TADA2A: variants seen among roughly 807,000 people sequenced by gnomAD.
The protein encoded by TADA2A is transcriptional adaptor 2A, also known as transcriptional adapter 2-alpha.
In TADA2A, 38 loss-of-function variants were observed where a neutral mutation model predicts 67.4. That is an observed-to-expected ratio of 0.56 (90% CI 0.44 to 0.74). The LOEUF (loss-of-function observed/expected upper bound fraction) is 0.74, where lower values mean the gene tolerates loss of function less well. Ranked by LOEUF, TADA2A falls within the 30% of genes least tolerant of loss-of-function variation. The pLI, the probability that TADA2A is intolerant of heterozygous loss-of-function variation, is 0.00. For missense variants in TADA2A, 454 were observed against 547.0 expected (o/e 0.83, Z 1.70); for synonymous variants, 192 against 181.6 (o/e 1.06, Z -0.46).
chr17:37,420,390 G>A (rs924828547), intron 2 of TADA2A, among the ~76,000 whole-genome samples: 2 of 142,442 alleles, frequency 1.4e-5, no homozygotes, highest in East Asian at 2.2e-4. Context: ...ATTTTCTTCT[G>A]TGTCTTTTTT....
chr17:37,410,044 G>T (rs2051812845), intron 1 of TADA2A, among the ~76,000 whole-genome samples: 1 of 152,044 alleles, frequency 6.6e-6, no homozygotes, highest in South Asian at 2.1e-4. Flanking sequence ...GGTGGCACAT[G>T]CTTGTAATCC....
chr17:37,476,141 T>C (rs1375932525), intron 15 of TADA2A, among the ~76,000 whole-genome samples: 3 of 152,154 alleles, frequency 2.0e-5, no homozygotes, highest in African/African-American at 4.8e-5. Flanking sequence ...AAGGAGGTCA[T>C]AGGTCAGCCT....
At chr17:37,421,117 A>T (rs1188918555) in intron 2 of TADA2A, among the ~76,000 whole-genome samples, 1 of 147,012 alleles carries the variant, frequency 6.8e-6, no homozygotes, top group African/African-American at 2.5e-5. Context: ...ACTCAGAGCC[A>T]GGTGTGGTGG....
chr17:37,418,625 G>T (rs2052128462), intron 2 of TADA2A, among the ~76,000 whole-genome samples: 2 of 150,602 alleles, frequency 1.3e-5, no homozygotes, highest in Admixed American at 1.3e-4. Context: ...GAGTTTCGCT[G>T]TTGTCACCCA....
At chr17:37,459,297 T>A (rs1320528171) in intron 9 of TADA2A, among the ~76,000 whole-genome samples, 1 of 151,944 alleles carries the variant, frequency 6.6e-6, no homozygotes, top group Non-Finnish European at 1.5e-5. Flanking sequence ...GTCTTTTTTT[T>A]TTTGAGATGG....
intron 15 of TADA2A, among the ~76,000 whole-genome samples, chr17:37,476,112 T>C (rs1165348388): frequency 6.6e-6 from 1 of 152,206 alleles, no homozygotes; most frequent in Admixed American, 6.5e-5. Flanking sequence ...GAAATGTATG[T>C]AGTATCTATG....
chr17:37,415,874 C>CAAAAAAAAAAAAAAAAAAAAA (rs35954525), intron 2 of TADA2A, among the ~76,000 whole-genome samples: 1 of 105,868 alleles, frequency 9.4e-6, no homozygotes, highest in African/African-American at 3.5e-5. Flanking sequence ...AACTCCTTCT[C>CAAAAAAAAAAAAAAAAAAAAA]AAAAAAAAAA....
intron 5 of TADA2A, among the ~76,000 whole-genome samples, chr17:37,439,251 G>A (rs780866620): frequency 3.3e-5 from 5 of 151,914 alleles, no homozygotes; most frequent in Non-Finnish European, 7.4e-5. Context: ...ACAGGTGTGC[G>A]CCACCATACT....
At chr17:37,428,366 G>A (rs1252805765) in intron 4 of TADA2A, among the ~76,000 whole-genome samples, 6 of 152,186 alleles carry the variant, frequency 3.9e-5, no homozygotes, top group Non-Finnish European at 8.8e-5. Flanking sequence ...AGAATTCACT[G>A]CCTTAAGGTT....
intron 8 of TADA2A, among the ~76,000 whole-genome samples, chr17:37,456,648 G>C (rs1432486587): frequency 6.6e-6 from 1 of 152,200 alleles, no homozygotes; most frequent in Non-Finnish European, 1.5e-5. Flanking sequence ...GATAGGAAAG[G>C]GGTAGAATAT....
chr17:37,462,152 A>T (rs762966755), intron 10 of TADA2A, 31 bp downstream of exon 10: 1 of 1,409,110 alleles, frequency 7.1e-7, no homozygotes, highest in South Asian at 1.3e-5. Context: ...TTATTTTACA[A>T]TTTTTTTCCA....
chr17:37,429,474 G>A (rs1198073691), intron 4 of TADA2A, among the ~76,000 whole-genome samples: 1 of 151,792 alleles, frequency 6.6e-6, no homozygotes, highest in Admixed American at 6.6e-5. Context: ...TAGAGACAGG[G>A]TTTCTCCATG....
chr17:37,449,985 G>A (rs2053187314), intron 8 of TADA2A, among the ~76,000 whole-genome samples: 1 of 152,042 alleles, frequency 6.6e-6, no homozygotes, highest in African/African-American at 2.4e-5. Context: ...CTAATCCAGG[G>A]GTGTCAATCT....
At chr17:37,464,705 C>T (rs968362159) in intron 10 of TADA2A, among the ~76,000 whole-genome samples, 3 of 150,560 alleles carry the variant, frequency 2.0e-5, no homozygotes, top group East Asian at 2.0e-4. Context: ...TCGAGCATGG[C>T]GGTGTGCCTG....
At position 37,462,253 on chromosome 17, in the gene TADA2A, AAG is replaced by A. The variant is rs2053562847; in HGVS notation, c.712+134_712+135del. 6.6e-6 allele frequency: 4 copies of A among 603,056 alleles called. No individual in the cohort carries two copies. The Admixed American group carries it at 1.4e-4, about 22-fold the overall frequency. 37.4% of individuals were successfully genotyped at this position (603,056 alleles called of 1,614,324 possible). A position where few individuals can be genotyped will look rare whatever the true frequency, so the allele number is the denominator to read the frequency against. On this transcript the variant is annotated intron_variant, in intron 10 of 15. Coordinates refer to ENST00000615182, the MANE Select transcript of TADA2A (RefSeq NM_001166105.3). ...GGCTATCACTCCAGACTAATGAAGT[AAG>A]AATCTCTGGGGTTGGAGGCACAGCA...
intron 5 of TADA2A, among the ~76,000 whole-genome samples, chr17:37,438,952 G>C (rs2052813899): frequency 6.6e-6 from 1 of 152,164 alleles, no homozygotes; most frequent in Non-Finnish European, 1.5e-5. Context: ...TCTTCAGAAA[G>C]CTTATAGTTT....
rs2051551690 is a variant in TADA2A at position 37,406,930 on chromosome 17, G to A, written c.-117G>A. On this transcript the variant is annotated 5_prime_UTR_variant, in exon 1 of 16. Coordinates refer to ENST00000615182, the MANE Select transcript of TADA2A (RefSeq NM_001166105.3). ...GCGCGACCGGCGGCTCTTTGGCGCG[G>A]ATTAGGGGGTCTCGGCGAGGTGAGG... 1 of 139,070 alleles carries A rather than the reference G, an allele frequency of 7.2e-6. No individual in the cohort carries two copies. Among genetic ancestry groups the A allele is most frequent in the African/African-American group, 2.6e-5 (1 of 39,122 alleles). The allele number at this position is 139,070 out of a possible 1,614,324, so 8.6% of individuals were successfully genotyped here.
At chr17:37,455,273 A>G (rs901568381) in intron 8 of TADA2A, among the ~76,000 whole-genome samples, 1 of 150,632 alleles carries the variant, frequency 6.6e-6, no homozygotes, top group East Asian at 2.0e-4. Flanking sequence ...CGTTGTTACT[A>G]TCTGGCATTC....
chr17:37,425,305 G>A (rs1454167848), intron 3 of TADA2A, among the ~76,000 whole-genome samples: 3 of 152,126 alleles, frequency 2.0e-5, no homozygotes, highest in African/African-American at 7.2e-5. Flanking sequence ...GATGACAAGG[G>A]AAGAAACAAT....
Sources: gnomAD v4.1 joint callset for allele counts (sites outside exome capture counted in the v4.1 genomes callset) on GRCh38, gnomAD v4.1.1 for gene constraint, MANE v1.5 for transcripts, NCBI Gene and HGNC (gene_info 2026-07-23, HGNC 2026-07-21) for gene names.